TMTC3: variants seen among roughly 807,000 people sequenced by gnomAD.
TMTC3 encodes transmembrane O-mannosyltransferase targeting cadherins 3.
In TMTC3, 52 loss-of-function variants were observed where a neutral mutation model predicts 92.2. The observed-to-expected ratio is 0.56, with a 90% CI of 0.45 to 0.71. The LOEUF (loss-of-function observed/expected upper bound fraction) is 0.71, where lower values mean the gene tolerates loss of function less well. Ranked by LOEUF, TMTC3 falls within the 30% of genes least tolerant of loss-of-function variation. TMTC3 has a pLI of 0.00. For synonymous variants in TMTC3, 339 were observed against 363.3 expected, an observed-to-expected ratio of 0.93 and a Z score of 0.76; for missense variants, 896 against 1,057.1, an observed-to-expected ratio of 0.85 and a Z score of 2.11.
intron 1 of TMTC3, among the ~76,000 whole-genome samples, chr12:88,146,673 A>G (rs1592719589): frequency 1.3e-5 from 2 of 150,220 alleles, no homozygotes; most frequent in African/African-American, 4.9e-5. Flanking sequence ...GAAGAATTGA[A>G]TTATTTTGAA....
chr12:88,148,320 C>G lies in TMTC3; in HGVS notation c.5C>G (p.Ala2Gly). The G allele has an allele frequency of 5.6e-6, 9 of 1,603,364 alleles. No individual in the cohort carries two copies. Among genetic ancestry groups the G allele is most frequent in the Non-Finnish European group, 7.7e-6 (9 of 1,175,618 alleles). The change falls in exon 2 of 14, where the codon GCT becomes GGT. Residue 2 changes from alanine to glycine, a missense_variant. By Grantham distance (60) the Ala-to-Gly change is moderately conservative. Transcript: ENST00000266712. Reference sequence around the variant, plus strand: ...CCAGAAGTGCTTATAGAAAAGATGGCTAATATTAACCTAAAAGAAATAACC... The same window carrying G: ...CCAGAAGTGCTTATAGAAAAGATGGGTAATATTAACCTAAAAGAAATAACC... Reference protein sequence around the residue: MANINLKEITLI... With the variant: MGNINLKEITLI...
intron 13 of TMTC3, 95 bp from the exon 14 acceptor site, chr12:88,194,743 T>A: frequency 1.2e-6 from 1 of 844,402 alleles, no homozygotes; most frequent in Non-Finnish European, 1.6e-6. Context: ...GTTTTGAAGC[T>A]GTCTTTTTGT....
intron 4 of TMTC3, 81 bp downstream of exon 4, chr12:88,154,468 TA>T: frequency 1.2e-6 from 1 of 858,900 alleles, no homozygotes; most frequent in East Asian, 2.6e-5. Flanking sequence ...GTGCTTCTTA[TA>T]ACACATTATA....
chr12:88,161,014 A>G (rs2041071897), intron 6 of TMTC3, among the ~76,000 whole-genome samples, 163 bp downstream of exon 6: 1 of 152,064 alleles, frequency 6.6e-6, no homozygotes, highest in Non-Finnish European at 1.5e-5. Context: ...TGTACTGATA[A>G]TTTTTGACAT....
rs376291376 is a variant in TMTC3 at position 88,195,383 on chromosome 12, A to G, written c.2479A>G (p.Ile827Val). Residue 827 changes from isoleucine to valine, a missense_variant, in exon 14 of 14, where the codon ATA becomes GTA. Physicochemically the swap from Ile to Val is conservative, Grantham distance 29. Coordinates refer to ENST00000266712, the MANE Select transcript of TMTC3 (RefSeq NM_181783.4). ...KISSSSFIEPIFPTSKISSVE... is the reference protein window; with the variant it reads ...KISSSSFIEPVFPTSKISSVE... ...TTCCTCATCTAGTTTTATAGAGCCA[A>G]TATTCCCAACCAGTAAGATTTCAAG... 7.4e-6 allele frequency: 12 copies of G among 1,613,810 alleles called. No homozygotes were observed. The highest frequency in any genetic ancestry group is 4.5e-5 in the East Asian group (2 of 44,838).
chr12:88,186,112 A>G (rs1248362575), intron 10 of TMTC3, among the ~76,000 whole-genome samples: 1 of 152,108 alleles, frequency 6.6e-6, no homozygotes, highest in Admixed American at 6.5e-5. Context: ...TTGGGCAGCT[A>G]ATATTTCACT....
intron 10 of TMTC3, among the ~76,000 whole-genome samples, chr12:88,186,665 T>C (rs774959160): frequency 2.0e-5 from 3 of 152,180 alleles, no homozygotes; most frequent in Non-Finnish European, 4.4e-5. Flanking sequence ...CTTGCCTTCT[T>C]TTCTTACCTT....
At chr12:88,176,480 A>AAT (rs2041261161) in intron 10 of TMTC3, among the ~76,000 whole-genome samples, 161 bp downstream of exon 10, 1 of 152,172 alleles carries the variant, frequency 6.6e-6, no homozygotes, top group African/African-American at 2.4e-5. Context: ...ACAGCCACTT[A>AAT]ATATCAGACT....
At chr12:88,149,570 A>T (rs959751318) in intron 2 of TMTC3, among the ~76,000 whole-genome samples, 5 of 152,190 alleles carry the variant, frequency 3.3e-5, no homozygotes, top group African/African-American at 1.2e-4. Context: ...GTAATAAATG[A>T]ATTATTTTAT....
chr12:88,168,405 A>C (rs191751623), intron 7 of TMTC3, among the ~76,000 whole-genome samples: 1 of 152,178 alleles, frequency 6.6e-6, no homozygotes, highest in African/African-American at 2.4e-5. Context: ...AGGGAAGACT[A>C]TGCTGGTCAG....
At chr12:88,192,008 ATTTTTCTTTTTTTT>A (rs1458558833) in intron 12 of TMTC3, among the ~76,000 whole-genome samples, 27 of 117,402 alleles carry the variant, frequency 2.3e-4, no homozygotes, top group Admixed American at 7.4e-4. Context: ...CATGCCCAGC[ATTTTTCTTTTTTTT>A]TTTTTCTTTT....
In TMTC3 at chr12:88,195,299, G is replaced by T. The variant is rs1312609921; in HGVS notation, c.2395G>T (p.Ala799Ser). The T allele has an allele frequency of 6.2e-7, 1 of 1,613,838 alleles. No homozygotes were observed. Among genetic ancestry groups the T allele is most frequent in the Non-Finnish European group, 8.5e-7 (1 of 1,179,902 alleles). Residue 799 changes from alanine to serine, a missense_variant, in exon 14 of 14, where the codon GCA (alanine) becomes TCA (serine). By Grantham distance (99) the Ala-to-Ser change is moderately conservative (BLOSUM62 1). Transcript: ENST00000266712. ...TGAAAGATGCCTTCTTGAAACACTG[G>T]CATTAGCACCACATGAAGAATATAT... ...KAERCLLETL[A>S]LAPHEEYIQR...
chr12:88,160,269 T>C, intron 5 of TMTC3, 40 bp downstream of exon 5: 8 of 1,155,892 alleles, frequency 6.9e-6, no homozygotes, highest in Non-Finnish European at 9.5e-6. Flanking sequence ...CTTATTGATA[T>C]ATTTTATCCT....
chr12:88,195,730 A>T lies in TMTC3; in HGVS notation c.*81A>T, dbSNP rs1356214703. ...TGCTTTTACTGGGAGCTTTGAAAAA[A>T]AGTTCAAGGGTTCCTAATGGTCAAT... is the stretch of plus-strand genomic sequence containing the variant. On this transcript the variant is annotated 3_prime_UTR_variant, in exon 14 of 14. Transcript: ENST00000266712. The T allele has an allele frequency of 7.2e-6, 9 of 1,254,708 alleles. No individual in the cohort carries two copies. The highest frequency in any genetic ancestry group is 8.7e-6 in the Non-Finnish European group (8 of 916,042). 77.7% of individuals were successfully genotyped at this position (1,254,708 alleles called of 1,614,324 possible). A position where few individuals can be genotyped will look rare whatever the true frequency, so the allele number is the denominator to read the frequency against.
At chr12:88,165,243 T>C (rs1228461104) in intron 6 of TMTC3, among the ~76,000 whole-genome samples, 1 of 152,116 alleles carries the variant, frequency 6.6e-6, no homozygotes, top group Non-Finnish European at 1.5e-5. Flanking sequence ...TTTAATATAA[T>C]TTGATTTATT....
At chr12:88,149,246 G>A (rs1326644696) in intron 2 of TMTC3, among the ~76,000 whole-genome samples, 4 of 151,942 alleles carry the variant, frequency 2.6e-5, no homozygotes, top group Non-Finnish European at 5.9e-5. Context: ...TTTTTATGAG[G>A]GTATTTTTAC....
intron 2 of TMTC3, among the ~76,000 whole-genome samples, chr12:88,150,548 A>T (rs1441628554): frequency 6.6e-6 from 1 of 152,148 alleles, no homozygotes; most frequent in African/African-American, 2.4e-5. Context: ...TAAGAAAAAG[A>T]CTCATATGTT....
intron 13 of TMTC3, among the ~76,000 whole-genome samples, chr12:88,193,293 C>G (rs1035366894): frequency 1.3e-5 from 2 of 151,940 alleles, no homozygotes; most frequent in African/African-American, 4.8e-5. Context: ...TCCAGTTTTA[C>G]TACGTTTTCT....
chr12:88,160,772 A>G lies in TMTC3; in HGVS notation c.718A>G (p.Ile240Val), dbSNP rs932852070. The G allele has an allele frequency of 6.8e-6, 11 of 1,613,476 alleles. No individual in the cohort carries two copies. The highest frequency in any genetic ancestry group is 3.3e-5 in the Admixed American group (2 of 59,976). Residue 240 changes from isoleucine to valine, a missense_variant, in exon 6 of 14, where the codon ATT (isoleucine) becomes GTT (valine). Ile to Val is a conservative substitution (Grantham distance 29). Transcript: ENST00000266712. ...TATGCTGCAGACACTAGTAAAACTCATTGTCTTGATGTTCAGTACATTATT... is the reference window on the plus strand; with the variant it reads ...TATGCTGCAGACACTAGTAAAACTCGTTGTCTTGATGTTCAGTACATTATT... ...FSMLQTLVKL[I>V]VLMFSTLLLV...
Sources: gnomAD v4.1 joint callset for allele counts (sites outside exome capture counted in the v4.1 genomes callset) on GRCh38, gnomAD v4.1.1 for gene constraint, MANE v1.5 for transcripts, NCBI Gene and HGNC (gene_info 2026-07-23, HGNC 2026-07-21) for gene names.